Variants in CPA6 observed in about 807,000 individuals in gnomAD.
The protein encoded by CPA6 is carboxypeptidase B.
A neutral mutation model predicts 63.3 loss-of-function variants in CPA6; 58 were observed. The observed-to-expected ratio is 0.92, with a 90% CI of 0.74 to 1.14. The LOEUF is 1.14. CPA6 is among the 50% of genes most tolerant of loss of function. The pLI is 0.00. For synonymous variants in CPA6, 185 were observed against 179.0 expected (o/e 1.03, Z -0.27); for missense variants, 565 against 526.6 (o/e 1.07, Z -0.71).
chr8:67,465,896 G>T (rs1172033480), intron 8 of CPA6, among the ~76,000 whole-genome samples: 2 of 152,108 alleles, frequency 1.3e-5, no homozygotes, highest in African/African-American at 2.4e-5. Flanking sequence ...GTTCATCAGG[G>T]ATATTGGCCT....
chr8:67,631,660 G>T (rs1815333473), intron 1 of CPA6, among the ~76,000 whole-genome samples: 1 of 152,142 alleles, frequency 6.6e-6, no homozygotes, highest in African/African-American at 2.4e-5. Context: ...AACCCACTAG[G>T]GTTCTCTTCC....
At chr8:67,694,455 AG>A (rs1816872516) in intron 1 of CPA6, among the ~76,000 whole-genome samples, 2 of 152,216 alleles carry the variant, frequency 1.3e-5, no homozygotes, top group Non-Finnish European at 2.9e-5. Flanking sequence ...TCATGAACTA[AG>A]TGTTATCTGA....
At chr8:67,677,337 A>G (rs1221972220) in intron 1 of CPA6, among the ~76,000 whole-genome samples, 1 of 124,558 alleles carries the variant, frequency 8.0e-6, no homozygotes, top group Non-Finnish European at 1.6e-5. Context: ...TTTTCAAAAC[A>G]CCTTCTTTTT....
At chr8:67,468,908 A>T (rs1025674723) in intron 8 of CPA6, among the ~76,000 whole-genome samples, 1 of 152,088 alleles carries the variant, frequency 6.6e-6, no homozygotes, top group Non-Finnish European at 1.5e-5. Context: ...TATTTTCTTC[A>T]GGTCTCCACC....
intron 2 of CPA6, among the ~76,000 whole-genome samples, chr8:67,593,082 G>T (rs1229159130): frequency 6.7e-6 from 1 of 149,582 alleles, no homozygotes; most frequent in Non-Finnish European, 1.5e-5. Flanking sequence ...CTGGTATGTT[G>T]TGTCTTTGTT....
At chr8:67,573,428 A>C (rs536004694) in intron 2 of CPA6, among the ~76,000 whole-genome samples, 55 of 152,360 alleles carry the variant, frequency 3.6e-4, no homozygotes, top group African/African-American at 1.2e-3. Context: ...GTAAAGTTGC[A>C]GAATATAAAA....
At chr8:67,626,941 C>T (rs985332820) in intron 1 of CPA6, among the ~76,000 whole-genome samples, 2 of 150,990 alleles carry the variant, frequency 1.3e-5, no homozygotes, top group Admixed American at 1.3e-4. Context: ...GTACAGGATA[C>T]AAAGAAACTA....
Position 67,740,445 on chromosome 8 carries a change from A to G in CPA6, c.116+5569T>C, listed in dbSNP as rs1817890249. Among the ~76,000 whole-genome samples, 3 of 152,200 alleles carry G rather than the reference A, an allele frequency of 2.0e-5. No homozygotes were observed. The South Asian group carries it at 6.2e-4, about 31-fold the overall frequency. ...AATAGCCAGAGAGGTAAGGTAGAAA[A>G]CTAGTATTATGTCTCTGGGGTTGAA... On this transcript the variant is annotated intron_variant, in intron 1 of 10. Transcript: ENST00000297770.
chr8:67,622,532 C>G (rs187588891), intron 2 of CPA6, among the ~76,000 whole-genome samples: 1 of 152,204 alleles, frequency 6.6e-6, no homozygotes, highest in Admixed American at 6.5e-5. Context: ...AGACACCATG[C>G]TTGAACTCAA....
intron 2 of CPA6, among the ~76,000 whole-genome samples, chr8:67,554,073 T>C (rs1280486413): frequency 4.6e-5 from 7 of 152,200 alleles, no homozygotes; most frequent in Non-Finnish European, 1.0e-4. Flanking sequence ...GAGACACAAC[T>C]GATACAGCAT....
rs571487495 is a variant in CPA6 at position 67,634,335 on chromosome 8, C to T, written c.117-10084G>A. On this transcript the variant is annotated intron_variant, in intron 1 of 10. Coordinates refer to ENST00000297770, the MANE Select transcript of CPA6 (RefSeq NM_020361.5). ...CCCGCATTCTCGCATTCTCCTGCCTCAGCCTCCCGAGTAGCTGGGACTACA... is the reference window on the plus strand; with the variant it reads ...CCCGCATTCTCGCATTCTCCTGCCTTAGCCTCCCGAGTAGCTGGGACTACA... 3.3e-3 allele frequency among the ~76,000 whole-genome samples: 497 copies of T among 150,602 alleles called. 8 individuals are homozygous for T. Among genetic ancestry groups the T allele is most frequent in the South Asian group, 0.021 (99 of 4,828 alleles).
chr8:67,673,388 A>T (rs1051035831), intron 1 of CPA6, among the ~76,000 whole-genome samples: 353 of 133,992 alleles, frequency 2.6e-3, no homozygotes, highest in East Asian at 5.6e-3. Flanking sequence ...TTATTTATTT[A>T]TTTTTTTTTT....
At chr8:67,481,060 T>A (rs1377557902) in intron 8 of CPA6, among the ~76,000 whole-genome samples, 1 of 152,252 alleles carries the variant, frequency 6.6e-6, no homozygotes, top group East Asian at 1.9e-4. Context: ...TGAATAGAAG[T>A]CTCTTAGTAG....
intron 8 of CPA6, among the ~76,000 whole-genome samples, chr8:67,479,748 T>C (rs1316447727): frequency 6.6e-6 from 1 of 152,210 alleles, no homozygotes; most frequent in East Asian, 1.9e-4. Flanking sequence ...TCTGAAATTC[T>C]CTATATTTTC....
chr8:67,580,038 C>T (rs1813727337), intron 2 of CPA6, among the ~76,000 whole-genome samples: 1 of 152,176 alleles, frequency 6.6e-6, no homozygotes, highest in Non-Finnish European at 1.5e-5. Flanking sequence ...GAGTGTCTTT[C>T]AGAAGGTTGT....
intron 6 of CPA6, among the ~76,000 whole-genome samples, chr8:67,501,466 G>A (rs1272532078): frequency 6.6e-6 from 1 of 152,010 alleles, no homozygotes; most frequent in Admixed American, 6.6e-5. Context: ...TATCATGGAT[G>A]TATGTTAAAT....
chr8:67,613,682 T>G (rs979338264), intron 2 of CPA6, among the ~76,000 whole-genome samples: 1 of 152,210 alleles, frequency 6.6e-6, no homozygotes, highest in Non-Finnish European at 1.5e-5. Flanking sequence ...CGGGAAATCC[T>G]GGGTAGAAGA....
intron 8 of CPA6, chr8:67,452,607 C>T (rs868618923): frequency 3.3e-5 from 5 of 152,214 alleles, no homozygotes; most frequent in South Asian, 4.1e-4. Flanking sequence ...ACATCATGAA[C>T]CAAAGGTTTT....
At chr8:67,511,179 C>T (rs1812035758) in intron 4 of CPA6, among the ~76,000 whole-genome samples, 1 of 152,140 alleles carries the variant, frequency 6.6e-6, no homozygotes, top group African/African-American at 2.4e-5. Context: ...CCACTTTATT[C>T]ATCATTTCCT....
Sources: gnomAD v4.1 joint callset for allele counts (sites outside exome capture counted in the v4.1 genomes callset) on GRCh38, gnomAD v4.1.1 for gene constraint, MANE v1.5 for transcripts, NCBI Gene and HGNC (gene_info 2026-07-23, HGNC 2026-07-21) for gene names.